Variants in ATP11B observed in about 807,000 individuals in gnomAD.
ATP11B encodes the protein ATPase phospholipid transporting 11B (putative).
A neutral mutation model predicts 157.8 loss-of-function variants in ATP11B; 81 were observed. The ratio of observed to expected loss-of-function variants is 0.51; its 90% CI spans 0.43 to 0.62. The LOEUF (loss-of-function observed/expected upper bound fraction) is 0.62. ATP11B is among the 20% of genes least tolerant of loss of function. The probability of loss-of-function intolerance (pLI) is 0.00; values close to 1 mark genes in which losing one functional copy is unlikely to be tolerated. For missense variants in ATP11B, 1,165 were observed against 1,402.2 expected, an observed-to-expected ratio of 0.83 and a Z score of 2.70; for synonymous variants, 451 against 469.4, an observed-to-expected ratio of 0.96 and a Z score of 0.51.
intron 19 of ATP11B, among the ~76,000 whole-genome samples, chr3:182,879,274 A>G (rs1337580895): frequency 6.6e-6 from 1 of 152,230 alleles, no homozygotes; most frequent in Non-Finnish European, 1.5e-5. Flanking sequence ...AAGAGAAAGA[A>G]AGAAAAATTG....
intron 22 of ATP11B, 72 bp from the exon 23 acceptor site, chr3:182,885,878 AT>A (rs11392709): frequency 3.2e-5 from 35 of 1,090,088 alleles, no homozygotes; most frequent in South Asian, 1.0e-4. Flanking sequence ...TTTAACAGCC[AT>A]TTTTTTTATT....
intron 19 of ATP11B, among the ~76,000 whole-genome samples, chr3:182,874,526 G>A (rs192179475): frequency 6.1e-4 from 93 of 152,268 alleles, no homozygotes; most frequent in Non-Finnish European, 1.2e-3. Context: ...AAGCACTGTG[G>A]ATAGGGGATT....
At position 182,865,632 on chromosome 3, in the gene ATP11B, T is replaced by G. The variant is rs147636235; in HGVS notation, c.1377T>G (p.Leu459=). The change falls in exon 13 of 30, where the codon CTT becomes CTG. Residue 459 remains leucine (L), a synonymous_variant. Transcript: ENST00000323116. ...CTTATCTTAGTAGTTTATCCCATCT[T>G]AACAACTTATCCCATCTTACAACCA... ...NLSYLSSLSH[L]NNLSHLTTSS... 2.0e-5 allele frequency: 33 copies of G among 1,613,380 alleles called. No homozygotes were observed. The highest frequency in any genetic ancestry group is 2.8e-5 in the Non-Finnish European group (33 of 1,179,518).
intron 19 of ATP11B, among the ~76,000 whole-genome samples, chr3:182,878,001 G>A (rs1457488493): frequency 6.6e-6 from 1 of 152,172 alleles, no homozygotes; most frequent in Non-Finnish European, 1.5e-5. Context: ...CTGTTCCTCA[G>A]GTAGTGCTTT....
Position 182,902,451 on chromosome 3 carries a change from T to G in ATP11B, c.3318+3679T>G, listed in dbSNP as rs903092745. ...ATGAATACAGCTCACTGACTTGTTG[T>G]GTGTCCATCCCTTTTCTGTCCACTT... On this transcript the variant is annotated intron_variant, in intron 28 of 29. Transcript: ENST00000323116. 31 of 1,257,966 alleles carry G rather than the reference T, an allele frequency of 2.5e-5. No individual in the cohort carries two copies. In the Admixed American group the frequency reaches 6.0e-4, roughly 24 times the overall value. 77.9% of individuals were successfully genotyped at this position (1,257,966 alleles called of 1,614,324 possible).
chr3:182,859,239 A>C lies in ATP11B; in HGVS notation c.1080A>C (p.Thr360=). ...NFIIPISLYV[T]VEMQKFLGSF... is the part of the protein sequence containing the mutation. Reference sequence around the variant, plus strand: ...TCATTCCAATTTCATTATATGTGACAGTCGAAATGCAGAAATTTCTTGGAT... The same window carrying C: ...TCATTCCAATTTCATTATATGTGACCGTCGAAATGCAGAAATTTCTTGGAT... The change falls in exon 12 of 30, where the codon ACA becomes ACC. Residue 360 remains threonine, a synonymous_variant. Coordinates refer to ENST00000323116, the MANE Select transcript of ATP11B (RefSeq NM_014616.3). 6.2e-7 allele frequency: 1 copy of C among 1,612,910 alleles called. No homozygotes were observed. The highest frequency in any genetic ancestry group is 1.1e-5 in the South Asian group (1 of 90,896).
intron 12 of ATP11B, among the ~76,000 whole-genome samples, chr3:182,863,182 G>C (rs1343939721): frequency 6.6e-6 from 1 of 152,116 alleles, no homozygotes; most frequent in East Asian, 1.9e-4. Flanking sequence ...GGGATTACAA[G>C]CATGAGCCAC....
intron 2 of ATP11B, among the ~76,000 whole-genome samples, chr3:182,825,504 A>C (rs1374955863): frequency 2.6e-5 from 4 of 152,120 alleles, no homozygotes; most frequent in Non-Finnish European, 4.4e-5. Context: ...GGATCACTTG[A>C]GGCCAGGAGT....
intron 3 of ATP11B, 77 bp from the exon 4 acceptor site, chr3:182,829,595 G>A (rs1717974944): frequency 9.9e-7 from 1 of 1,012,826 alleles, no homozygotes. Flanking sequence ...ACTGTGTAAT[G>A]TGAAATTTTA....
chr3:182,859,834 C>T (rs2108534708), intron 12 of ATP11B, among the ~76,000 whole-genome samples: 1 of 152,088 alleles, frequency 6.6e-6, no homozygotes, highest in East Asian at 1.9e-4. Context: ...TCTGTTTTTT[C>T]ATTTCCTCAA....
intron 8 of ATP11B, among the ~76,000 whole-genome samples, chr3:182,845,001 TTTTTA>T: frequency 9.0e-6 from 1 of 110,538 alleles, no homozygotes; most frequent in African/African-American, 4.1e-5. Context: ...TTTATTTTTT[TTTTTA>T]TTTTTTTTTA....
rs1242240207 is a variant in ATP11B at position 182,845,518 on chromosome 3, T to A, written c.765T>A (p.Ile255=). 6.3e-7 allele frequency: 1 copy of A among 1,593,316 alleles called. No homozygotes were observed. The highest frequency in any genetic ancestry group is 1.4e-5 in the African/African-American group (1 of 73,336). ...RGARLKNTKE[I]FGVAVYTGME... is the part of the protein sequence containing the mutation. ...CCAGATTAAAAAACACAAAAGAAAT[T>A]TTTGGTTTGTACATATTTAAACATT... is the stretch of plus-strand genomic sequence containing the variant. Residue 255 remains isoleucine, a synonymous_variant, in exon 9 of 30, where the codon ATT becomes ATA. Coordinates refer to ENST00000323116, the MANE Select transcript of ATP11B (RefSeq NM_014616.3).
chr3:182,886,699 T>C (rs1722813668), intron 23 of ATP11B, among the ~76,000 whole-genome samples: 1 of 152,194 alleles, frequency 6.6e-6, no homozygotes, highest in African/African-American at 2.4e-5. Flanking sequence ...CTACTGCTTC[T>C]GACTAATGTG....
Position 182,866,464 on chromosome 3 carries a change from A to G in ATP11B, c.1619+21A>G, listed in dbSNP as rs1721241335. 5 of 1,497,020 alleles carry G rather than the reference A, an allele frequency of 3.3e-6. No homozygotes were observed. The African/African-American group carries it at 4.2e-5, about 12-fold the overall frequency. 92.7% of individuals were successfully genotyped at this position (1,497,020 alleles called of 1,614,324 possible). On this transcript the variant is annotated intron_variant, in intron 14 of 29. Coordinates refer to ENST00000323116, the MANE Select transcript of ATP11B (RefSeq NM_014616.3). The stretch of plus-strand genomic sequence containing the variant: ...GCAAGGTAATTTAGTCTGATTTCCA[A>G]ATCTTCGGAAAAACACCATTTAAAT...
At chr3:182,833,541 C>G (rs1718312417) in intron 4 of ATP11B, 1 of 152,060 alleles carries the variant, frequency 6.6e-6, no homozygotes, top group Non-Finnish European at 1.5e-5. Context: ...GTTGCCGGGT[C>G]TGGTCTCCAA....
intron 23 of ATP11B, 53 bp from the exon 24 acceptor site, chr3:182,887,533 A>C (rs891949776): frequency 6.6e-7 from 1 of 1,508,570 alleles, no homozygotes; most frequent in Non-Finnish European, 9.0e-7. Flanking sequence ...TCATATGCAT[A>C]ATAGTAATGC....
At chr3:182,794,411 AC>A (rs369323804) in intron 1 of ATP11B, among the ~76,000 whole-genome samples, 138 of 152,220 alleles carry the variant, frequency 9.1e-4, no homozygotes, top group African/African-American at 3.0e-3. Flanking sequence ...CGGAAACGAT[AC>A]GTATTGTACG....
intron 19 of ATP11B, 96 bp downstream of exon 19, chr3:182,874,111 T>C (rs1721861924): frequency 1.9e-6 from 2 of 1,042,872 alleles, no homozygotes; most frequent in Non-Finnish European, 2.8e-6. Flanking sequence ...GCCTGTTTTT[T>C]ACAGCCTATC....
At chr3:182,900,972 G>A (rs1323219275) in intron 28 of ATP11B, among the ~76,000 whole-genome samples, 3 of 152,008 alleles carry the variant, frequency 2.0e-5, no homozygotes, top group South Asian at 2.1e-4. Context: ...ACGAGGTCAG[G>A]AGATCGAGAC....
Sources: allele counts gnomAD v4.1 joint callset (sites outside exome capture counted in the v4.1 genomes callset), GRCh38; gene constraint gnomAD v4.1.1; transcripts MANE v1.5; gene names NCBI Gene and HGNC (gene_info 2026-07-23, HGNC 2026-07-21).